The following TRIP12 variants were observed in gnomAD, a reference collection of about 807,000 sequenced individuals.
TRIP12 encodes E3 ubiquitin-protein ligase TRIP12.
Under a neutral mutation model 244.2 loss-of-function variants are expected in TRIP12, and 25 were observed. The ratio of observed to expected loss-of-function variants is 0.10; its 90% CI spans 0.07 to 0.14. The LOEUF (loss-of-function observed/expected upper bound fraction) is 0.14, where lower values mean the gene tolerates loss of function less well. TRIP12 is among the 10% of genes least tolerant of loss of function. The probability of loss-of-function intolerance (pLI) is 1.00; values close to 1 mark genes in which losing one functional copy is unlikely to be tolerated. For missense variants in TRIP12, 1,677 were observed against 2,486.4 expected (o/e 0.67, Z 6.92); for synonymous variants, 905 against 873.1 (o/e 1.04, Z -0.64).
intron 4 of TRIP12, among the ~76,000 whole-genome samples, chr2:229,858,232 G>A (rs1419611366): frequency 2.6e-5 from 4 of 152,082 alleles, no homozygotes; most frequent in Admixed American, 2.0e-4. Flanking sequence ...GGCATGGTGT[G>A]CACACTTGTA....
At chr2:229,842,139 C>T (rs187677489) in intron 4 of TRIP12, among the ~76,000 whole-genome samples, 240 of 152,188 alleles carry the variant, frequency 1.6e-3, no homozygotes, top group African/African-American at 5.6e-3. Context: ...AAATAACTTT[C>T]GTGAAAGATT....
At chr2:229,771,307 C>T (rs564061702) in intron 39 of TRIP12, among the ~76,000 whole-genome samples, 17 of 152,302 alleles carry the variant, frequency 1.1e-4, no homozygotes, top group African/African-American at 3.6e-4. Flanking sequence ...TACTGTCACG[C>T]GTGGAACCCG....
chr2:229,808,150 T>C, intron 16 of TRIP12, 102 bp downstream of exon 16: 1 of 888,862 alleles, frequency 1.1e-6, no homozygotes, highest in Non-Finnish European at 1.8e-6. Flanking sequence ...GTATTTTTAG[T>C]AGAGACGGGT....
At chr2:229,782,596 T>C (rs1432147023) in intron 34 of TRIP12, among the ~76,000 whole-genome samples, 1 of 152,216 alleles carries the variant, frequency 6.6e-6, no homozygotes, top group Non-Finnish European at 1.5e-5. Context: ...GCATGCAGTA[T>C]ACTTTCCAGT....
At chr2:229,884,902 C>A (rs372701731) in intron 1 of TRIP12, among the ~76,000 whole-genome samples, 10 of 152,162 alleles carry the variant, frequency 6.6e-5, no homozygotes, top group African/African-American at 2.2e-4. Context: ...CCTGGGAGGA[C>A]GAGGCTGTGG....
chr2:229,840,497 T>C (rs1461937139), intron 5 of TRIP12, among the ~76,000 whole-genome samples: 1 of 151,350 alleles, frequency 6.6e-6, no homozygotes, highest in Admixed American at 6.6e-5. Context: ...AGGTTGGGAG[T>C]TGGAGACCAG....
Position 229,818,391 on chromosome 2 carries a change from A to G in TRIP12, c.1572T>C (p.Phe524=), listed in dbSNP as rs773434885. 1.9e-6 allele frequency: 3 copies of G among 1,614,122 alleles called. No individual in the cohort carries two copies. Among genetic ancestry groups the G allele is most frequent in the Non-Finnish European group, 2.5e-6 (3 of 1,179,998 alleles). Residue 524 remains phenylalanine (F), a synonymous_variant, in exon 9 of 42, where the codon TTT becomes TTC. Transcript: ENST00000675903. ...AAGCTGGAACAACACTCTTGACAGG[A>G]AACCCTCCCAGTGTCTCCTCATTTC... The part of the protein sequence containing the change: ...VMGNEETLGG[F]PVKSVVPALI...
At chr2:229,800,081 CT>C (rs2043883048) in intron 21 of TRIP12, among the ~76,000 whole-genome samples, 1 of 152,180 alleles carries the variant, frequency 6.6e-6, no homozygotes, top group Non-Finnish European at 1.5e-5. Flanking sequence ...ACATAACACA[CT>C]TTTTCCATAA....
At chr2:229,772,597 G>A (rs1019088076) in intron 38 of TRIP12, among the ~76,000 whole-genome samples, 19 of 152,122 alleles carry the variant, frequency 1.2e-4, no homozygotes, top group Non-Finnish European at 1.9e-4. Context: ...CCGAGTAGCT[G>A]GGACTACAGG....
At chr2:229,922,215 C>T (rs1297529756), upstream of TRIP12, 1 of 299,616 alleles carries the variant, frequency 3.3e-6, no homozygotes, top group Non-Finnish European at 6.3e-6. Flanking sequence ...CGCCCGATCC[C>T]TTCGAGGGAC....
In TRIP12 at chr2:229,798,981, C is replaced by T. The variant is rs777973556; in HGVS notation, c.3376G>A (p.Gly1126Arg). 6.2e-7 allele frequency: 1 copy of T among 1,614,154 alleles called. No homozygotes were observed. Among genetic ancestry groups the T allele is most frequent in the Admixed American group, 1.7e-5 (1 of 60,008 alleles). ...FLASLNPKTW[G>R]RLSTQSNSNN... ...CTGTTGGACTGTGTACTTAACCTTC[C>T]CCATGTTTTTGGATTCAAGCTTGCC... is the stretch of plus-strand genomic sequence containing the variant. The change falls in exon 23 of 42, where the codon GGA becomes AGA. Residue 1126 changes from glycine (G) to arginine (R), a missense_variant. Gly to Arg is a moderately radical substitution (Grantham distance 125). Coordinates refer to ENST00000675903, the MANE Select transcript of TRIP12 (RefSeq NM_001348323.3).
At chr2:229,771,185 T>A (rs2034182729) in intron 39 of TRIP12, among the ~76,000 whole-genome samples, 1 of 151,464 alleles carries the variant, frequency 6.6e-6, no homozygotes, top group Admixed American at 6.6e-5. Context: ...CCTCCATGTC[T>A]CTCTTTGCTT....
chr2:229,920,063 AC>A (rs1042004112), intron 1 of TRIP12, among the ~76,000 whole-genome samples: 2 of 151,232 alleles, frequency 1.3e-5, no homozygotes, highest in Non-Finnish European at 2.9e-5. Context: ...CCATTCCTCA[AC>A]CCCCCCGGGG....
At chr2:229,879,870 GA>G (rs2064454691) in intron 2 of TRIP12, 111 bp downstream of exon 2, 1 of 1,213,562 alleles carries the variant, frequency 8.2e-7, no homozygotes, top group Admixed American at 2.0e-5. Flanking sequence ...CACAAATCAG[GA>G]AAAATTACCC....
intron 38 of TRIP12, among the ~76,000 whole-genome samples, chr2:229,772,457 G>T (rs1351008896): frequency 6.6e-6 from 1 of 152,068 alleles, no homozygotes; most frequent in East Asian, 1.9e-4. Context: ...AGTAACAGGG[G>T]ACTCTGGTTA....
chr2:229,812,183 C>T (rs547418157), intron 13 of TRIP12, among the ~76,000 whole-genome samples: 11 of 152,166 alleles, frequency 7.2e-5, no homozygotes, highest in African/African-American at 2.6e-4. Flanking sequence ...CTCTGCCTCC[C>T]GAGATCAAGC....
intron 1 of TRIP12, among the ~76,000 whole-genome samples, chr2:229,911,089 T>C (rs1210751388): frequency 6.6e-6 from 1 of 152,170 alleles, no homozygotes; most frequent in African/African-American, 2.4e-5. Flanking sequence ...AAAAAATATA[T>C]GAAGCTGGGT....
intron 4 of TRIP12, among the ~76,000 whole-genome samples, chr2:229,844,312 A>G (rs1559804846): frequency 2.6e-5 from 4 of 152,210 alleles, no homozygotes; most frequent in African/African-American, 9.6e-5. Flanking sequence ...AATGAGCTCA[A>G]GGAGAAATGT....
In TRIP12 at chr2:229,859,161, C is replaced by A. The variant is rs1337797747; in HGVS notation, c.638G>T (p.Arg213Ile). Residue 213 changes from arginine (R) to isoleucine (I), a missense_variant, in exon 4 of 42, where the codon AGA (arginine) becomes ATA (isoleucine). Arg to Ile is a moderately conservative substitution (Grantham distance 97). Transcript: ENST00000675903. Reference protein sequence around the residue: ...SGSESTGAEERSAKPTKLASK... With the variant: ...SGSESTGAEEISAKPTKLASK... ...AGCCAGCTTGGTAGGTTTCGCAGAT[C>A]TCTCTTCTGCACCAGTTGATTCAGA... 5 of 1,614,046 alleles carry A rather than the reference C, an allele frequency of 3.1e-6. No individual in the cohort carries two copies. The highest frequency in any genetic ancestry group is 4.2e-6 in the Non-Finnish European group (5 of 1,180,034).
Sources: allele counts gnomAD v4.1 joint callset (sites outside exome capture counted in the v4.1 genomes callset), GRCh38; gene constraint gnomAD v4.1.1; transcripts MANE v1.5; gene names NCBI Gene and HGNC (gene_info 2026-07-23, HGNC 2026-07-21).